The following NCKAP5 variants were observed in gnomAD, a reference collection of about 807,000 sequenced individuals.
The protein encoded by NCKAP5 is NCK associated protein 5, also known as nck-associated protein 5.
In NCKAP5, 92 loss-of-function variants were observed where a neutral mutation model predicts 167.0. That is an observed-to-expected ratio of 0.55 (90% CI 0.47 to 0.66). The LOEUF (loss-of-function observed/expected upper bound fraction) is 0.66. Ranked by LOEUF, NCKAP5 falls within the 30% of genes least tolerant of loss-of-function variation. NCKAP5 has a pLI of 0.00. For missense variants in NCKAP5, 2,378 were observed against 2,315.0 expected (o/e 1.03, Z -0.56); for synonymous variants, 891 against 877.4 (o/e 1.02, Z -0.27).
intron 7 of NCKAP5, among the ~76,000 whole-genome samples, chr2:132,991,424 G>C (rs1450860708): frequency 6.6e-6 from 1 of 152,198 alleles, no homozygotes; most frequent in Admixed American, 6.5e-5. Context: ...TTACCACATA[G>C]TGGGACCGTC....
At chr2:133,446,126 G>A (rs1049374359) in intron 3 of NCKAP5, among the ~76,000 whole-genome samples, 2 of 152,118 alleles carry the variant, frequency 1.3e-5, no homozygotes, top group African/African-American at 4.8e-5. Context: ...GTGGTCCAAG[G>A]AAGAATTAAT....
At chr2:132,988,597 C>T (rs1252171593) in intron 7 of NCKAP5, among the ~76,000 whole-genome samples, 2 of 152,104 alleles carry the variant, frequency 1.3e-5, no homozygotes, top group Admixed American at 6.6e-5. Flanking sequence ...TCTGCTGCCA[C>T]TGAGCTGTGG....
chr2:133,383,699 T>C (rs1263700367), intron 3 of NCKAP5, among the ~76,000 whole-genome samples: 3 of 152,240 alleles, frequency 2.0e-5, no homozygotes, highest in Non-Finnish European at 4.4e-5. Flanking sequence ...AAAGTGTTCC[T>C]ATTTCTCCAC....
chr2:133,079,297 G>A (rs915420648), intron 6 of NCKAP5, among the ~76,000 whole-genome samples: 1 of 152,162 alleles, frequency 6.6e-6, no homozygotes, highest in Non-Finnish European at 1.5e-5. Context: ...TAGCAGCAAA[G>A]GGGACTTGGA....
intron 3 of NCKAP5, among the ~76,000 whole-genome samples, chr2:133,507,553 A>G (rs547636259): frequency 1.3e-5 from 2 of 152,362 alleles, no homozygotes; most frequent in African/African-American, 4.8e-5. Flanking sequence ...CTGGCATGTA[A>G]AGAAACCAGG....
intron 3 of NCKAP5, among the ~76,000 whole-genome samples, chr2:133,477,250 C>A (rs963973705): frequency 6.6e-6 from 1 of 152,210 alleles, no homozygotes; most frequent in African/African-American, 2.4e-5. Context: ...GCCTAGTGGT[C>A]TGCCTTCATC....
chr2:132,888,329 C>A (rs1029258499), intron 8 of NCKAP5, among the ~76,000 whole-genome samples: 1 of 152,014 alleles, frequency 6.6e-6, no homozygotes, highest in East Asian at 1.9e-4. Context: ...CCAGTGATAA[C>A]CAACTTTTCC....
intron 5 of NCKAP5, among the ~76,000 whole-genome samples, chr2:133,137,093 T>C (rs2082814111): frequency 6.6e-6 from 1 of 152,220 alleles, no homozygotes; most frequent in Non-Finnish European, 1.5e-5. Flanking sequence ...AATTAAGCTA[T>C]AGTTATTACA....
At chr2:132,963,446 C>T (rs934115800) in intron 8 of NCKAP5, among the ~76,000 whole-genome samples, 3 of 152,182 alleles carry the variant, frequency 2.0e-5, no homozygotes, top group Non-Finnish European at 4.4e-5. Context: ...CCCCAAGGAG[C>T]TTGCAATTTT....
At chr2:133,191,302 G>C (rs2085207592) in intron 5 of NCKAP5, among the ~76,000 whole-genome samples, 1 of 152,184 alleles carries the variant, frequency 6.6e-6, no homozygotes, top group Admixed American at 6.6e-5. Context: ...TGGAGAAATA[G>C]GAACACTTTT....
chr2:132,948,799 C>T (rs2076078396), intron 8 of NCKAP5, among the ~76,000 whole-genome samples: 1 of 152,160 alleles, frequency 6.6e-6, no homozygotes, highest in African/African-American at 2.4e-5. Flanking sequence ...TTTCCCCACA[C>T]CTCCACTTTG....
intron 3 of NCKAP5, among the ~76,000 whole-genome samples, chr2:133,432,733 C>T (rs1233288059): frequency 6.6e-6 from 1 of 152,136 alleles, no homozygotes; most frequent in Non-Finnish European, 1.5e-5. Context: ...AGTCTTAGAA[C>T]CCGACACAGT....
intron 4 of NCKAP5, among the ~76,000 whole-genome samples, chr2:133,248,638 GT>G (rs2150326837): frequency 1.3e-5 from 2 of 152,304 alleles, no homozygotes; most frequent in South Asian, 4.1e-4. Context: ...TAGTTTCCTA[GT>G]TTATAAAATA....
intron 13 of NCKAP5, among the ~76,000 whole-genome samples, chr2:132,787,743 A>T (rs1683706464): frequency 6.6e-6 from 1 of 152,136 alleles, no homozygotes; most frequent in South Asian, 2.1e-4. Context: ...ATCAGAAGAA[A>T]TCCCATTAGT....
intron 6 of NCKAP5, among the ~76,000 whole-genome samples, chr2:133,057,719 C>T (rs1206980411): frequency 6.6e-6 from 1 of 152,198 alleles, no homozygotes; most frequent in Non-Finnish European, 1.5e-5. Context: ...CAAGGTGAAG[C>T]ACCAAGTGCT....
In NCKAP5 at chr2:133,469,150, G is replaced by A. The variant is rs566226157; in HGVS notation, c.69+48308C>T. Among the ~76,000 whole-genome samples the A allele has an allele frequency of 4.6e-5, 7 of 152,092 alleles. No individual in the cohort carries two copies. In the South Asian group the frequency reaches 6.3e-4, roughly 14 times the overall value. ...GCATGATTTTGCAGTGGCTGGTACC[G>A]GCTTTTCCTTTCCATATTTAGCGCT... is the stretch of plus-strand genomic sequence containing the variant. On this transcript the variant is annotated intron_variant, in intron 3 of 19. Coordinates refer to ENST00000409261, the MANE Select transcript of NCKAP5 (RefSeq NM_207363.3).
chr2:133,063,740 T>A (rs2080090447), intron 6 of NCKAP5, among the ~76,000 whole-genome samples: 1 of 152,210 alleles, frequency 6.6e-6, no homozygotes, highest in South Asian at 2.1e-4. Flanking sequence ...TCTCTTCATA[T>A]CCAATATTAG....
intron 8 of NCKAP5, among the ~76,000 whole-genome samples, chr2:132,922,552 C>G (rs948271721): frequency 1.3e-5 from 2 of 152,200 alleles, no homozygotes; most frequent in African/African-American, 4.8e-5. Flanking sequence ...GGACTCATCT[C>G]CCACATCTCT....
At chr2:133,506,498 A>G (rs1181197039) in intron 3 of NCKAP5, among the ~76,000 whole-genome samples, 1 of 152,078 alleles carries the variant, frequency 6.6e-6, no homozygotes, top group Non-Finnish European at 1.5e-5. Flanking sequence ...CAGCCAGTGG[A>G]GGCACCAACA....
Sources: allele counts gnomAD v4.1 joint callset (sites outside exome capture counted in the v4.1 genomes callset), GRCh38; gene constraint gnomAD v4.1.1; transcripts MANE v1.5; gene names NCBI Gene and HGNC (gene_info 2026-07-23, HGNC 2026-07-21).